Variants in NADSYN1 observed in about 807,000 individuals in gnomAD.
NADSYN1 encodes the protein NAD synthetase 1.
In NADSYN1, 80 loss-of-function variants were observed where a neutral mutation model predicts 99.3. The observed-to-expected ratio is 0.81, with a 90% CI of 0.67 to 0.97. The LOEUF is 0.97. Ranked by LOEUF, NADSYN1 falls within the 50% of genes least tolerant of loss-of-function variation. NADSYN1 has a pLI of 0.00. For synonymous variants in NADSYN1, 385 were observed against 372.1 expected, an observed-to-expected ratio of 1.03 and a Z score of -0.40; for missense variants, 859 against 948.5, an observed-to-expected ratio of 0.91 and a Z score of 1.24.
At chr11:71,484,192 T>G in intron 14 of NADSYN1, 120 bp from the exon 15 acceptor site, 1 of 1,423,720 alleles carries the variant, frequency 7.0e-7, no homozygotes, top group South Asian at 1.3e-5. Context: ...ACACCACAAA[T>G]CATACGCTTT....
intron 13 of NADSYN1, 92 bp from the exon 14 acceptor site, chr11:71,482,757 A>T (rs1028687552): frequency 5.7e-6 from 8 of 1,411,256 alleles, no homozygotes; most frequent in Non-Finnish European, 6.7e-6. Context: ...GTGGAGCCGC[A>T]TGGGCACCTG....
At chr11:71,462,388 C>T (rs1334878101) in intron 3 of NADSYN1, among the ~76,000 whole-genome samples, 1 of 152,178 alleles carries the variant, frequency 6.6e-6, no homozygotes, top group Non-Finnish European at 1.5e-5. Flanking sequence ...AATTGCCAGT[C>T]AGAACTGTTT....
intron 1 of NADSYN1, 39 bp from the exon 2 acceptor site, chr11:71,455,071 T>A (rs1432584037): frequency 6.6e-7 from 1 of 1,522,064 alleles, no homozygotes; most frequent in South Asian, 1.1e-5. Context: ...GTATAGGTGC[T>A]GAAATTGCTC....
At chr11:71,461,417 TTTTTTATTTA>T (rs1327084255) in intron 3 of NADSYN1, among the ~76,000 whole-genome samples, 1 of 152,160 alleles carries the variant, frequency 6.6e-6, no homozygotes, top group Non-Finnish European at 1.5e-5. Context: ...TGCTACACAC[TTTTTTATTTA>T]TTTTTATTTA....
intron 16 of NADSYN1, among the ~76,000 whole-genome samples, chr11:71,489,383 C>T (rs1161640206): frequency 6.6e-6 from 1 of 152,152 alleles, no homozygotes; most frequent in Non-Finnish European, 1.5e-5. Flanking sequence ...CCCCATGGTC[C>T]CCACTTCCTG....
chr11:71,464,367 C>T (rs1184924208), intron 5 of NADSYN1: 9 of 482,896 alleles, frequency 1.9e-5, no homozygotes, highest in South Asian at 1.3e-4. Context: ...GGAGCAGCCC[C>T]GGCAGGGGCT....
At chr11:71,480,968 T>C (rs1319641344) in intron 11 of NADSYN1, 89 bp downstream of exon 11, 1 of 1,551,706 alleles carries the variant, frequency 6.4e-7, no homozygotes, top group Non-Finnish European at 8.8e-7. Flanking sequence ...GCAGTGGGTT[T>C]TCAGAACCTG....
rs561543912 is a variant in NADSYN1, at chr11:71,491,066, C to G, written c.1694+90C>G. ...ACCCTGGCCCACACTCAGGCTCCTT[C>G]GTAGCTCCTGTTGCCTGCTGAATGG... On this transcript the variant is annotated intron_variant, in intron 17 of 20. Transcript: ENST00000319023. 3.9e-6 allele frequency: 6 copies of G among 1,541,660 alleles called. No homozygotes were observed. The African/African-American group carries it at 8.2e-5, about 21-fold the overall frequency.
In NADSYN1 at chr11:71,471,854, C is replaced by T. The variant is rs377140675; in HGVS notation, c.408-595C>T. ...GAATTCTAAGAAAGCAAAAAGGAAA[C>T]GGAGTTCCTTGCAGATCTGAGTGGT... is the stretch of plus-strand genomic sequence containing the variant. On this transcript the variant is annotated intron_variant, in intron 5 of 20. Transcript: ENST00000319023. Among the ~76,000 whole-genome samples, 14 of 152,168 alleles carry T rather than the reference C, an allele frequency of 9.2e-5. No homozygotes were observed. The South Asian group carries it at 1.0e-3, about 11-fold the overall frequency.
At chr11:71,480,330 T>C (rs1411678750) in intron 10 of NADSYN1, 1 of 184,274 alleles carries the variant, frequency 5.4e-6, no homozygotes, top group African/African-American at 2.4e-5. Flanking sequence ...TCCACCACCA[T>C]GCCCGGCTAA....
rs552429756 is a variant in NADSYN1 at position 71,455,292 on chromosome 11, C to T, written c.146+122C>T. On this transcript the variant is annotated intron_variant, in intron 2 of 20. Coordinates refer to ENST00000319023, the MANE Select transcript of NADSYN1 (RefSeq NM_018161.5). The stretch of plus-strand genomic sequence containing the variant: ...GAGAGCTGTGGACACGCCACACCCA[C>T]TGTTGGGCCTGGTTAATGCCATTGA... 1.9e-4 allele frequency: 139 copies of T among 741,190 alleles called. No individual in the cohort carries two copies. The African/African-American group carries it at 2.3e-3, about 12-fold the overall frequency. The allele number at this position is 741,190 out of a possible 1,614,324, so 45.9% of individuals were successfully genotyped here. A position where few individuals can be genotyped will look rare whatever the true frequency, so the allele number is the denominator to read the frequency against.
intron 2 of NADSYN1, 41 bp from the exon 3 acceptor site, chr11:71,458,387 C>T (rs34753851): frequency 6.6e-7 from 1 of 1,516,438 alleles, no homozygotes; most frequent in Non-Finnish European, 9.2e-7. Context: ...CCCCGCTCAC[C>T]TGAGTTGTTT....
chr11:71,478,693 G>A lies in NADSYN1; in HGVS notation c.873+224G>A, dbSNP rs563623679. 1.1e-4 allele frequency: 59 copies of A among 522,230 alleles called. 1 individual carries two copies. The highest frequency in any genetic ancestry group is 5.9e-4 in the African/African-American group (31 of 52,234). 32.3% of individuals were successfully genotyped at this position (522,230 alleles called of 1,614,324 possible). Reference sequence around the variant, plus strand: ...TGGGCCAGGCCCTGAGCTGGGGTGAGCTGGGGACAGGCAGGCAGAGAGGCT... The same window carrying A: ...TGGGCCAGGCCCTGAGCTGGGGTGAACTGGGGACAGGCAGGCAGAGAGGCT... On this transcript the variant is annotated intron_variant, in intron 10 of 20. Coordinates refer to ENST00000319023, the MANE Select transcript of NADSYN1 (RefSeq NM_018161.5).
At chr11:71,482,258 T>C (rs1360644276) in intron 13 of NADSYN1, among the ~76,000 whole-genome samples, 4 of 152,232 alleles carry the variant, frequency 2.6e-5, no homozygotes, top group African/African-American at 7.2e-5. Context: ...TCTCCAGAGC[T>C]GTACCTGCCT....
intron 20 of NADSYN1, chr11:71,499,087 T>C (rs928253861): frequency 3.3e-5 from 5 of 153,424 alleles, no homozygotes; most frequent in African/African-American, 1.2e-4. Context: ...GATGTTCATG[T>C]AGGTTCATCC....
At chr11:71,461,965 C>T (rs1408773131) in intron 3 of NADSYN1, among the ~76,000 whole-genome samples, 3 of 152,214 alleles carry the variant, frequency 2.0e-5, no homozygotes, top group South Asian at 2.1e-4. Context: ...CAGCCAGGAC[C>T]GGGGCAGGCA....
At chr11:71,457,599 A>G (rs1949522124) in intron 2 of NADSYN1, among the ~76,000 whole-genome samples, 1 of 152,232 alleles carries the variant, frequency 6.6e-6, no homozygotes, top group African/African-American at 2.4e-5. Context: ...ACAGAAATGT[A>G]TTCTCTCACA....
chr11:71,482,798 C>T (rs377186841), intron 13 of NADSYN1, 51 bp from the exon 14 acceptor site: 1 of 1,595,658 alleles, frequency 6.3e-7, no homozygotes, highest in Non-Finnish European at 8.5e-7. Flanking sequence ...ACTATGTAAA[C>T]ATCCCACACA....
chr11:71,495,155 T>C (rs1949811109), intron 18 of NADSYN1, among the ~76,000 whole-genome samples: 2 of 152,150 alleles, frequency 1.3e-5, no homozygotes, highest in Admixed American at 1.3e-4. Context: ...TTAAGGTAGG[T>C]GTTTATAGCT....
Sources: gnomAD v4.1 joint callset for allele counts (sites outside exome capture counted in the v4.1 genomes callset) on GRCh38, gnomAD v4.1.1 for gene constraint, MANE v1.5 for transcripts, NCBI Gene and HGNC (gene_info 2026-07-23, HGNC 2026-07-21) for gene names.